Variants in KLF8 observed in about 807,000 individuals in gnomAD.
KLF8 encodes KLF transcription factor 8.
A neutral mutation model predicts 18.2 loss-of-function variants in KLF8; 10 were observed. That is an observed-to-expected ratio of 0.55 (90% CI 0.34 to 0.93). KLF8 has a LOEUF of 0.93. Ranked by LOEUF, KLF8 falls within the 40% of genes least tolerant of loss-of-function variation. KLF8 has a pLI of 0.02. For missense variants in KLF8, 264 were observed against 277.9 expected (o/e 0.95, Z 0.36); for synonymous variants, 109 against 97.3 (o/e 1.12, Z -0.71).
At chrX:56,031,541 G>A in the KLF8 span, among the ~76,000 whole-genome samples, 1 of 111,579 alleles carries the variant, frequency 9.0e-6, no homozygotes, top group African/African-American at 3.3e-5. Flanking sequence ...GCCACACACT[G>A]CTCTGGTGAG....
the KLF8 span, among the ~76,000 whole-genome samples, chrX:55,939,507 G>A: frequency 9.0e-6 from 1 of 111,478 alleles, no homozygotes; most frequent in Non-Finnish European, 1.9e-5. Context: ...TCTAGCAGAA[G>A]GCAAGAAATA....
chrX:56,174,953 C>A, the KLF8 span, among the ~76,000 whole-genome samples: 2 of 111,848 alleles, frequency 1.8e-5, no homozygotes, highest in African/African-American at 6.5e-5. Flanking sequence ...TCCTGTTTGT[C>A]ATTTTTTATT....
the KLF8 span, among the ~76,000 whole-genome samples, chrX:56,201,169 T>A: frequency 7.1e-5 from 8 of 112,215 alleles, no homozygotes; most frequent in East Asian, 2.2e-3. Context: ...CAATGTTCAT[T>A]GCAACATTAT....
the KLF8 span, among the ~76,000 whole-genome samples, chrX:55,942,187 A>G: frequency 8.9e-6 from 1 of 111,811 alleles, no homozygotes; most frequent in Non-Finnish European, 1.9e-5. Context: ...CTATGCAGCC[A>G]TAAAGAATGA....
At chrX:56,121,140 C>T in the KLF8 span, among the ~76,000 whole-genome samples, 2 of 104,363 alleles carry the variant, frequency 1.9e-5, no homozygotes, top group South Asian at 4.5e-4. Flanking sequence ...GAGCCGAGAT[C>T]CCGCCACTGC....
At chrX:56,005,500 A>G in the KLF8 span, among the ~76,000 whole-genome samples, 1 of 111,704 alleles carries the variant, frequency 9.0e-6, no homozygotes, top group South Asian at 3.8e-4. Flanking sequence ...CTCCATGTGC[A>G]TGATTGCAGC....
chrX:56,194,391 C>T, the KLF8 span, among the ~76,000 whole-genome samples: 1 of 112,219 alleles, frequency 8.9e-6, no homozygotes, highest in South Asian at 3.7e-4. Flanking sequence ...GTCTTAGCAA[C>T]CAGCAGACAA....
At chrX:56,249,166 T>C (rs772755871) in intron 1 of KLF8, among the ~76,000 whole-genome samples, 1 of 112,593 alleles carries the variant, frequency 8.9e-6, no homozygotes, top group African/African-American at 3.2e-5. Context: ...CTTAACAGTT[T>C]AATCGAGCAA....
At chrX:56,200,739 T>C in the KLF8 span, among the ~76,000 whole-genome samples, 2 of 111,229 alleles carry the variant, frequency 1.8e-5, no homozygotes, top group African/African-American at 6.5e-5. Flanking sequence ...TAATCAAATA[T>C]ATAAGGAATG....
At chrX:55,915,363 G>A in the KLF8 span, among the ~76,000 whole-genome samples, 1 of 111,487 alleles carries the variant, frequency 9.0e-6, no homozygotes, top group African/African-American at 3.3e-5. Flanking sequence ...ATGAAATATT[G>A]AACTAACTAG....
the KLF8 span, among the ~76,000 whole-genome samples, chrX:56,160,094 G>C: frequency 9.0e-6 from 1 of 111,583 alleles, no homozygotes; most frequent in Non-Finnish European, 1.9e-5. Flanking sequence ...TTGTGTCTTT[G>C]TTCTCATTGG....
chrX:56,088,389 A>G, the KLF8 span, among the ~76,000 whole-genome samples: 23,042 of 110,856 alleles, frequency 0.21, 4,906 homozygotes, highest in African/African-American at 0.66. Flanking sequence ...TTTTGTTTAC[A>G]GGATATTGAG....
At chrX:56,148,901 A>G in the KLF8 span, among the ~76,000 whole-genome samples, 2 of 112,276 alleles carry the variant, frequency 1.8e-5, no homozygotes, top group Non-Finnish European at 3.8e-5. Context: ...CAGCCAAACT[A>G]TATCAAAATG....
At chrX:56,149,920 T>A in the KLF8 span, among the ~76,000 whole-genome samples, 12 of 110,994 alleles carry the variant, frequency 1.1e-4, no homozygotes, top group Non-Finnish European at 1.7e-4. Context: ...TTTTTTACAT[T>A]TTTATAAACT....
chrX:56,030,512 G>C, the KLF8 span, among the ~76,000 whole-genome samples: 1 of 111,268 alleles, frequency 9.0e-6, no homozygotes. Flanking sequence ...TTTTCCAATT[G>C]AGGAAGTCAG....
chrX:56,284,042 C>CA (rs929575533), intron 5 of KLF8, among the ~76,000 whole-genome samples: 21 of 111,304 alleles, frequency 1.9e-4, no homozygotes, highest in Non-Finnish European at 3.6e-4. Flanking sequence ...GTTCTTACCA[C>CA]AAAAAAAGAT....
the KLF8 span, among the ~76,000 whole-genome samples, chrX:56,032,709 A>G: frequency 8.9e-6 from 1 of 112,288 alleles, no homozygotes; most frequent in Non-Finnish European, 1.9e-5. Context: ...GAATATAGCA[A>G]TTTGTTTATC....
chrX:56,000,601 A>C, the KLF8 span, among the ~76,000 whole-genome samples: 1 of 105,776 alleles, frequency 9.5e-6, no homozygotes, highest in Non-Finnish European at 2.0e-5. Context: ...TAATTTCTCC[A>C]TTTTCTTTAG....
chrX:56,146,399 C>T, the KLF8 span, among the ~76,000 whole-genome samples: 1 of 111,719 alleles, frequency 9.0e-6, no homozygotes, highest in South Asian at 3.7e-4. Context: ...ACAATGAGTT[C>T]ATGTTCTTTG....
Sources: gnomAD v4.1 joint callset for allele counts (sites outside exome capture counted in the v4.1 genomes callset) on GRCh38, gnomAD v4.1.1 for gene constraint, MANE v1.5 for transcripts, NCBI Gene and HGNC (gene_info 2026-07-23, HGNC 2026-07-21) for gene names.